LINGO2: variants seen among roughly 807,000 people sequenced by gnomAD.
LINGO2 encodes leucine rich repeat and Ig domain containing 2.
In LINGO2, 14 loss-of-function variants were observed where a neutral mutation model predicts 30.6. The observed-to-expected ratio is 0.46, with a 90% CI of 0.30 to 0.72. LINGO2 has a LOEUF of 0.72. LINGO2 is among the 30% of genes least tolerant of loss of function. LINGO2 has a pLI of 0.07. For missense variants in LINGO2, 729 were observed against 751.7 expected (o/e 0.97, Z 0.35); for synonymous variants, 317 against 288.5 (o/e 1.10, Z -1.00).
chr9:28,966,002 C>T, the LINGO2 span, among the ~76,000 whole-genome samples: 10 of 152,104 alleles, frequency 6.6e-5, no homozygotes, highest in African/African-American at 2.2e-4. Flanking sequence ...ACTTGTGTGC[C>T]TGTAGAAGCT....
the LINGO2 span, among the ~76,000 whole-genome samples, chr9:29,039,700 A>G: frequency 6.6e-6 from 1 of 152,116 alleles, no homozygotes; most frequent in Non-Finnish European, 1.5e-5. Flanking sequence ...TCACTTCCCA[A>G]GGCTAACTCA....
intron 1 of LINGO2, among the ~76,000 whole-genome samples, chr9:28,605,056 T>G (rs554293875): frequency 6.6e-6 from 1 of 152,142 alleles, no homozygotes; most frequent in South Asian, 2.1e-4. Flanking sequence ...GCCACTAAAC[T>G]TGTACTCTAC....
At chr9:28,267,999 A>C (rs1463323604) in intron 4 of LINGO2, among the ~76,000 whole-genome samples, 1 of 152,086 alleles carries the variant, frequency 6.6e-6, no homozygotes, top group East Asian at 1.9e-4. Flanking sequence ...TATTATGAGA[A>C]AGTACTCAGA....
At chr9:28,907,570 A>T in the LINGO2 span, among the ~76,000 whole-genome samples, 1 of 151,798 alleles carries the variant, frequency 6.6e-6, no homozygotes, top group African/African-American at 2.4e-5. Context: ...GAGATGATGA[A>T]AATCGTACTT....
At chr9:28,310,267 C>T (rs945659124) in intron 3 of LINGO2, among the ~76,000 whole-genome samples, 1 of 152,048 alleles carries the variant, frequency 6.6e-6, no homozygotes, top group Non-Finnish European at 1.5e-5. Flanking sequence ...TGGCAGTTTT[C>T]CAAAAGCTGA....
At chr9:28,558,215 T>G (rs546228134) in intron 1 of LINGO2, among the ~76,000 whole-genome samples, 3 of 151,618 alleles carry the variant, frequency 2.0e-5, no homozygotes, top group Admixed American at 2.0e-4. Context: ...TTCACTATGA[T>G]CTAGCTGATT....
intron 4 of LINGO2, among the ~76,000 whole-genome samples, chr9:28,242,687 T>C (rs1463373519): frequency 6.6e-6 from 1 of 151,678 alleles, no homozygotes; most frequent in Non-Finnish European, 1.5e-5. Flanking sequence ...TTCTCCAAGG[T>C]TGAAATGAGG....
intron 4 of LINGO2, among the ~76,000 whole-genome samples, chr9:28,172,034 C>CGAA (rs755832153): frequency 1.0e-5 from 1 of 98,744 alleles, no homozygotes; most frequent in African/African-American, 3.8e-5. Context: ...AAAAAAAAAA[C>CGAA]AAAAAAAAAA....
At chr9:28,875,918 A>C in the LINGO2 span, among the ~76,000 whole-genome samples, 1 of 152,070 alleles carries the variant, frequency 6.6e-6, no homozygotes, top group Non-Finnish European at 1.5e-5. Flanking sequence ...TTCCTTGTTA[A>C]AGCCATTCAC....
At chr9:29,096,745 C>A in the LINGO2 span, among the ~76,000 whole-genome samples, 9 of 140,220 alleles carry the variant, frequency 6.4e-5, 2 homozygotes, top group South Asian at 2.0e-3. Flanking sequence ...TTTGGTTTTC[C>A]ACTTTGGACA....
At chr9:29,167,006 C>A in the LINGO2 span, among the ~76,000 whole-genome samples, 2 of 152,012 alleles carry the variant, frequency 1.3e-5, no homozygotes, top group African/African-American at 4.8e-5. Context: ...ACTAAATTAG[C>A]GAAATTTTTA....
intron 1 of LINGO2, among the ~76,000 whole-genome samples, chr9:28,601,988 T>C (rs1291853468): frequency 1.3e-5 from 2 of 151,996 alleles, no homozygotes; most frequent in African/African-American, 4.8e-5. Flanking sequence ...TTTTCTCAGG[T>C]TGCATTCTCA....
At chr9:28,433,473 T>A (rs1476894517) in intron 2 of LINGO2, among the ~76,000 whole-genome samples, 1 of 151,992 alleles carries the variant, frequency 6.6e-6, no homozygotes, top group African/African-American at 2.4e-5. Flanking sequence ...GAGATGAACC[T>A]CAAAGCCTAG....
In LINGO2 at chr9:28,027,523, T is replaced by A. The variant is rs1377457551; in HGVS notation, c.-86-15118A>T. Among the ~76,000 whole-genome samples, 6 of 152,228 alleles carry A rather than the reference T, an allele frequency of 3.9e-5. No individual in the cohort carries two copies. In the East Asian group the frequency reaches 1.2e-3, roughly 29 times the overall value. ...ACGGCAAATACTGGGGAAGCAAGCA[T>A]GGGTGGAATACAGCATGTAAGGTGC... On this transcript the variant is annotated intron_variant, in intron 4 of 5. Transcript: ENST00000379992.
chr9:28,522,460 G>A (rs1820862124), intron 1 of LINGO2, among the ~76,000 whole-genome samples: 1 of 152,154 alleles, frequency 6.6e-6, no homozygotes, highest in African/African-American at 2.4e-5. Context: ...TCAGTTCTGA[G>A]AGGCAAATAA....
chr9:28,105,455 G>C (rs1432824380), intron 4 of LINGO2, among the ~76,000 whole-genome samples: 3 of 152,120 alleles, frequency 2.0e-5, no homozygotes, highest in Non-Finnish European at 4.4e-5. Flanking sequence ...AAACTAAACA[G>C]ATAAATACAC....
chr9:28,342,650 G>C (rs1427382809), intron 3 of LINGO2, among the ~76,000 whole-genome samples: 2 of 152,172 alleles, frequency 1.3e-5, no homozygotes, highest in East Asian at 3.9e-4. Context: ...CCTCAGAAAA[G>C]TACTGCAGTA....
At chr9:28,612,972 A>G (rs1158961726) in intron 1 of LINGO2, among the ~76,000 whole-genome samples, 2 of 152,080 alleles carry the variant, frequency 1.3e-5, no homozygotes, top group East Asian at 1.9e-4. Flanking sequence ...GGTTTCCCCT[A>G]TGCTGTTCTC....
At chr9:28,647,577 A>G (rs1268114223) in intron 1 of LINGO2, among the ~76,000 whole-genome samples, 1 of 152,086 alleles carries the variant, frequency 6.6e-6, no homozygotes, top group African/African-American at 2.4e-5. Flanking sequence ...ATACTTTTAT[A>G]TACTTATTAA....
Sources: allele counts gnomAD v4.1 joint callset (sites outside exome capture counted in the v4.1 genomes callset), GRCh38; gene constraint gnomAD v4.1.1; transcripts MANE v1.5; gene names NCBI Gene and HGNC (gene_info 2026-07-23, HGNC 2026-07-21).